Variants in CCDC85C observed in about 807,000 individuals in gnomAD.
CCDC85C encodes the protein coiled-coil domain containing 85C, also known as coiled-coil domain-containing protein 85C.
CCDC85C carries 18 observed loss-of-function variants against 38.3 expected under a neutral mutation model. The ratio of observed to expected loss-of-function variants is 0.47; its 90% CI spans 0.33 to 0.70. The LOEUF is 0.70. CCDC85C is among the 30% of genes least tolerant of loss of function. The pLI is 0.03. For missense variants in CCDC85C, 566 were observed against 621.2 expected, an observed-to-expected ratio of 0.91 and a Z score of 0.94; for synonymous variants, 264 against 293.8, an observed-to-expected ratio of 0.90 and a Z score of 1.04.
Position 99,501,434 on chromosome 14 carries a change from A to T in CCDC85C, c.*13812T>A. On this transcript the variant is annotated 3_prime_UTR_variant, in exon 6 of 6. Coordinates refer to ENST00000380243, the MANE Select transcript of CCDC85C (RefSeq NM_001144995.2). ...GACAGGTATACATGTTCAAATGTTG[A>T]TTAATTACAGTATTTTAAAATAGGC... The T allele has an allele frequency of 6.8e-7, 1 of 1,474,072 alleles. No individual in the cohort carries two copies. Among genetic ancestry groups the T allele is most frequent in the Non-Finnish European group, 9.5e-7 (1 of 1,055,434 alleles). 91.3% of individuals were successfully genotyped at this position (1,474,072 alleles called of 1,614,324 possible). A position where few individuals can be genotyped will look rare whatever the true frequency, so the allele number is the denominator to read the frequency against.
chr14:99,526,368 G>A (rs951404456), intron 2 of CCDC85C, among the ~76,000 whole-genome samples: 16 of 152,232 alleles, frequency 1.1e-4, no homozygotes, highest in Non-Finnish European at 1.9e-4. Flanking sequence ...GTGCTAAGAT[G>A]GTCTCCAGGT....
intron 1 of CCDC85C, among the ~76,000 whole-genome samples, chr14:99,556,711 T>C (rs1595083884): frequency 6.6e-6 from 1 of 152,076 alleles, no homozygotes; most frequent in Non-Finnish European, 1.5e-5. Flanking sequence ...TTTTACTTTT[T>C]TGTAAAAGTC....
rs3918084 is a variant in CCDC85C, at chr14:99,500,191, G to A, written c.*15055C>T. 9,204 of 149,646 alleles carry A rather than the reference G, an allele frequency of 0.062. 395 individuals are homozygous for A. Among genetic ancestry groups the A allele is most frequent in the Non-Finnish European group, 0.088 (5,979 of 68,172 alleles). The allele number at this position is 149,646 out of a possible 1,614,324, so 9.3% of individuals were successfully genotyped here. A position where few individuals can be genotyped will look rare whatever the true frequency, so the allele number is the denominator to read the frequency against. On this transcript the variant is annotated 3_prime_UTR_variant, in exon 6 of 6. Coordinates refer to ENST00000380243, the MANE Select transcript of CCDC85C (RefSeq NM_001144995.2). ...GGAAATGATCATTTATTCAGTAAGT[G>A]TTGTTGGGATGATTTATTTCAAATA...
chr14:99,503,509 C>T lies in CCDC85C; in HGVS notation c.*11737G>A. On this transcript the variant is annotated 3_prime_UTR_variant, in exon 6 of 6. Coordinates refer to ENST00000380243, the MANE Select transcript of CCDC85C (RefSeq NM_001144995.2). Reference sequence around the variant, plus strand: ...AATAATTTTTGTCCGAGGCTGTTCACAGTGACTGCCGTCGCTGATTCTGGT... The same window carrying T: ...AATAATTTTTGTCCGAGGCTGTTCATAGTGACTGCCGTCGCTGATTCTGGT... 1.0e-6 allele frequency: 1 copy of T among 993,422 alleles called. No homozygotes were observed. Among genetic ancestry groups the T allele is most frequent in the Non-Finnish European group, 1.5e-6 (1 of 656,190 alleles). The allele number at this position is 993,422 out of a possible 1,614,324, so 61.5% of individuals were successfully genotyped here.
chr14:99,602,422 T>A (rs1292784018), intron 1 of CCDC85C, among the ~76,000 whole-genome samples: 1 of 152,186 alleles, frequency 6.6e-6, no homozygotes, highest in African/African-American at 2.4e-5. Flanking sequence ...ATAAATCCCT[T>A]CAGAAGGTTT....
rs1165059782 is a variant in CCDC85C at position 99,520,391 on chromosome 14, G to C, written c.975+1742C>G. Among the ~76,000 whole-genome samples, 3 of 151,668 alleles carry C rather than the reference G, an allele frequency of 2.0e-5. No homozygotes were observed. Among genetic ancestry groups the C allele is most frequent in the Non-Finnish European group, 4.4e-5 (3 of 67,902 alleles). ...ATCGGCCCCTCCCACGAGATACCTTGACCCCTCAACCCCCACTCCTGGGGG... is the reference window on the plus strand; with the variant it reads ...ATCGGCCCCTCCCACGAGATACCTTCACCCCTCAACCCCCACTCCTGGGGG... On this transcript the variant is annotated intron_variant, in intron 3 of 5. Coordinates refer to ENST00000380243, the MANE Select transcript of CCDC85C (RefSeq NM_001144995.2). The surrounding 1 kb of genome is among the most constrained non-coding windows in gnomAD (Gnocchi z 4.1).
intron 1 of CCDC85C, among the ~76,000 whole-genome samples, chr14:99,602,727 C>T (rs1288132913): frequency 6.6e-6 from 1 of 152,148 alleles, no homozygotes; most frequent in Admixed American, 6.5e-5. Flanking sequence ...CACACGTGGA[C>T]GCTGCTTGGT....
At position 99,500,860 on chromosome 14, in the gene CCDC85C, A is replaced by G. The variant is rs1896805905; in HGVS notation, c.*14386T>C. ...TACCAGTTCCTACTAAAATATGCAA[A>G]GCAACTCAAAGGTAAGAAGAAAGTT... On this transcript the variant is annotated 3_prime_UTR_variant, in exon 6 of 6. Transcript: ENST00000380243. The G allele has an allele frequency of 6.5e-7, 1 of 1,534,116 alleles. No individual in the cohort carries two copies. Among genetic ancestry groups the G allele is most frequent in the Non-Finnish European group, 8.8e-7 (1 of 1,134,540 alleles).
chr14:99,555,515 CAAT>C (rs1268143715), intron 1 of CCDC85C, among the ~76,000 whole-genome samples: 2 of 152,144 alleles, frequency 1.3e-5, no homozygotes, highest in Admixed American at 6.5e-5. Flanking sequence ...GGCCAAGTGG[CAAT>C]AATGATAATA....
intron 1 of CCDC85C, among the ~76,000 whole-genome samples, chr14:99,583,678 G>A (rs2054998127): frequency 6.6e-6 from 1 of 151,428 alleles, no homozygotes; most frequent in South Asian, 2.1e-4. Context: ...CATGGTGACA[G>A]ACGCCTGTAG....
rs1417848974 is a variant in CCDC85C at position 99,507,249 on chromosome 14, T to C, written c.*7997A>G. 7 of 786,720 alleles carry C rather than the reference T, an allele frequency of 8.9e-6. No individual in the cohort carries two copies. The highest frequency in any genetic ancestry group is 7.3e-5 in the East Asian group (3 of 40,974). 48.7% of individuals were successfully genotyped at this position (786,720 alleles called of 1,614,324 possible). On this transcript the variant is annotated 3_prime_UTR_variant, in exon 6 of 6. Coordinates refer to ENST00000380243, the MANE Select transcript of CCDC85C (RefSeq NM_001144995.2). ...TAGAAAAGGGAGACTGGGGCCCAGA[T>C]TGACAATGTCAGCCACAGGCAGGAA... is the stretch of plus-strand genomic sequence containing the variant.
Position 99,572,958 on chromosome 14 carries a change from A to G in CCDC85C, c.793+30209T>C. ...GCTCTGAGCCCTGCCTTCGCCTCCTACAAGATAGGATGGCAGCAGCCTCAG... is the reference window on the plus strand; with the variant it reads ...GCTCTGAGCCCTGCCTTCGCCTCCTGCAAGATAGGATGGCAGCAGCCTCAG... On this transcript the variant is annotated intron_variant, in intron 1 of 5. Coordinates refer to ENST00000380243, the MANE Select transcript of CCDC85C (RefSeq NM_001144995.2). This position sits in a 1 kb window ranked among gnomAD's most constrained non-coding sequence, Gnocchi z 4.4. The G allele has an allele frequency of 7.6e-6, 3 of 392,378 alleles. No homozygotes were observed. Among genetic ancestry groups the G allele is most frequent in the South Asian group, 5.6e-5 (3 of 53,336 alleles). The allele number at this position is 392,378 out of a possible 1,614,324, so 24.3% of individuals were successfully genotyped here.
At position 99,603,599 on chromosome 14, in the gene CCDC85C, C is replaced by T. The variant is rs1437484424; in HGVS notation, c.361G>A (p.Ala121Thr). 1 of 1,442,780 alleles carries T rather than the reference C, an allele frequency of 6.9e-7. No homozygotes were observed. The allele number at this position is 1,442,780 out of a possible 1,614,324, so 89.4% of individuals were successfully genotyped here. ...HAAGAVWHEV[A>T]RSQQKLRELE... ...TCGCGCAGCTTCTGCTGCGAGCGGG[C>T]CACCTCGTGCCACACGGCGCCGGCC... The change falls in exon 1 of 6, where the codon GCC (alanine) becomes ACC (threonine). Residue 121 changes from alanine to threonine, a missense_variant. Ala to Thr is a moderately conservative substitution (Grantham distance 58, BLOSUM62 0). This residue lies in a region of CCDC85C where 269 missense variants were observed against 308.2 expected (regional missense o/e 0.87). Coordinates refer to ENST00000380243, the MANE Select transcript of CCDC85C (RefSeq NM_001144995.2). The surrounding 1 kb of genome is among the most constrained non-coding windows in gnomAD (Gnocchi z 7.5).
intron 1 of CCDC85C, among the ~76,000 whole-genome samples, chr14:99,559,564 A>G (rs1595085527): frequency 6.6e-6 from 1 of 152,310 alleles, no homozygotes; most frequent in South Asian, 2.1e-4. Flanking sequence ...GGTAACTCGG[A>G]GCCACCTGCC....
At chr14:99,554,412 T>G (rs1264833720) in intron 1 of CCDC85C, among the ~76,000 whole-genome samples, 2 of 152,196 alleles carry the variant, frequency 1.3e-5, no homozygotes, top group African/African-American at 4.8e-5. Flanking sequence ...AGCCTGGCAC[T>G]GGAGTGTGCA....
chr14:99,598,973 T>C (rs958823913), intron 1 of CCDC85C, among the ~76,000 whole-genome samples: 2 of 152,116 alleles, frequency 1.3e-5, no homozygotes, highest in East Asian at 1.9e-4. Flanking sequence ...CCCAAGGCCA[T>C]TGATGGATCC....
rs1244587298 is a variant in CCDC85C, at chr14:99,558,123, AG to A, written c.794-22036del. The stretch of plus-strand genomic sequence containing the variant: ...CCTGGACAAACCTCCACAGTTTCTC[AG>A]GGTCTCCTTGAAACCACGAGGTTTC... On this transcript the variant is annotated intron_variant, in intron 1 of 5. Coordinates refer to ENST00000380243, the MANE Select transcript of CCDC85C (RefSeq NM_001144995.2). The surrounding 1 kb of genome is among the most constrained non-coding windows in gnomAD (Gnocchi z 4.2). 6.6e-6 allele frequency among the ~76,000 whole-genome samples: 1 copy of A among 152,214 alleles called. No individual in the cohort carries two copies. Among genetic ancestry groups the A allele is most frequent in the East Asian group, 1.9e-4 (1 of 5,202 alleles).
At chr14:99,567,219 T>C (rs965551647) in intron 1 of CCDC85C, among the ~76,000 whole-genome samples, 2 of 151,566 alleles carry the variant, frequency 1.3e-5, no homozygotes, top group African/African-American at 4.9e-5. Flanking sequence ...CACCCACACA[T>C]TCACAAGTCA....
intron 1 of CCDC85C, among the ~76,000 whole-genome samples, chr14:99,565,915 G>A (rs1898207207): frequency 6.6e-6 from 1 of 152,214 alleles, no homozygotes; most frequent in African/African-American, 2.4e-5. Context: ...CCAATGCAGG[G>A]GACGGTGGCT....
Sources: allele counts gnomAD v4.1 joint callset (sites outside exome capture counted in the v4.1 genomes callset), GRCh38; gene constraint gnomAD v4.1.1; regional missense constraint gnomAD v4.1.1; non-coding constraint Gnocchi (gnomAD v3.1); transcripts MANE v1.5; gene names NCBI Gene and HGNC (gene_info 2026-07-23, HGNC 2026-07-21).